The following SNX29 variants were observed in gnomAD, a reference collection of about 807,000 sequenced individuals.
SNX29 encodes sorting nexin-29.
SNX29 carries 78 observed loss-of-function variants against 102.1 expected under a neutral mutation model. That is an observed-to-expected ratio of 0.76 (90% CI 0.64 to 0.92). The LOEUF is 0.92. SNX29 is among the 40% of genes least tolerant of loss of function. The pLI is 0.00. For missense variants in SNX29, 1,280 were observed against 1,061.7 expected, an observed-to-expected ratio of 1.21 and a Z score of -2.86; for synonymous variants, 580 against 414.5, an observed-to-expected ratio of 1.40 and a Z score of -4.85.
chr16:12,364,811 G>T (rs1567482754), intron 16 of SNX29, among the ~76,000 whole-genome samples: 1 of 152,136 alleles, frequency 6.6e-6, no homozygotes, highest in Non-Finnish European at 1.5e-5. Flanking sequence ...GCCTGGCTTG[G>T]TAAGACTTGC....
intron 13 of SNX29, among the ~76,000 whole-genome samples, chr16:12,194,966 C>G (rs980526695): frequency 1.3e-5 from 2 of 152,054 alleles, no homozygotes; most frequent in African/African-American, 4.8e-5. Flanking sequence ...TTAAAAAGTG[C>G]TCTAGTAAAG....
chr16:12,554,785 C>T (rs2078221703), intron 20 of SNX29, among the ~76,000 whole-genome samples: 1 of 152,146 alleles, frequency 6.6e-6, no homozygotes, highest in Admixed American at 6.5e-5. Flanking sequence ...CCATAGAATG[C>T]AATTGTTTAT....
At chr16:12,035,388 T>A (rs1453309492) in intron 4 of SNX29, among the ~76,000 whole-genome samples, 11 of 152,114 alleles carry the variant, frequency 7.2e-5, no homozygotes, top group Non-Finnish European at 1.3e-4. Context: ...ATTTATTTCC[T>A]ACTCTTTAAT....
chr16:12,162,488 G>A (rs766313246), intron 13 of SNX29, among the ~76,000 whole-genome samples: 2 of 152,206 alleles, frequency 1.3e-5, no homozygotes, highest in Non-Finnish European at 2.9e-5. Context: ...GTCTGCTGTT[G>A]TAGCAAGAAA....
intron 18 of SNX29, among the ~76,000 whole-genome samples, chr16:12,441,962 T>C (rs2085827647): frequency 6.6e-6 from 1 of 152,156 alleles, no homozygotes; most frequent in Admixed American, 6.5e-5. Context: ...CTAATTTTTG[T>C]AGAGATGGGG....
intron 18 of SNX29, among the ~76,000 whole-genome samples, chr16:12,422,378 G>A (rs1300402119): frequency 1.3e-5 from 2 of 152,194 alleles, no homozygotes; most frequent in Non-Finnish European, 2.9e-5. Context: ...TTGTGTATCT[G>A]TTTCCCCTGG....
intron 18 of SNX29, among the ~76,000 whole-genome samples, chr16:12,425,097 C>T (rs1475469835): frequency 6.6e-6 from 1 of 152,164 alleles, no homozygotes; most frequent in Admixed American, 6.5e-5. Flanking sequence ...ACAAACAAAA[C>T]ACACCCAGGT....
At chr16:12,137,337 C>T (rs1052829000) in intron 13 of SNX29, among the ~76,000 whole-genome samples, 2 of 152,164 alleles carry the variant, frequency 1.3e-5, no homozygotes. Context: ...TTTCCTTGTC[C>T]AAGCCTCCCC....
At chr16:12,228,821 CTTGA>C (rs1358472418) in intron 14 of SNX29, among the ~76,000 whole-genome samples, 1 of 152,232 alleles carries the variant, frequency 6.6e-6, no homozygotes, top group East Asian at 1.9e-4. Flanking sequence ...GGCACAGAGA[CTTGA>C]TTTGCCTGAG....
chr16:12,438,031 C>T (rs1188778187), intron 18 of SNX29, among the ~76,000 whole-genome samples: 3 of 152,160 alleles, frequency 2.0e-5, no homozygotes, highest in Admixed American at 2.0e-4. Context: ...GAGCACACGT[C>T]CACTCTTGGC....
At chr16:12,458,248 T>C (rs1210666005) in intron 18 of SNX29, among the ~76,000 whole-genome samples, 3 of 152,144 alleles carry the variant, frequency 2.0e-5, no homozygotes, top group Admixed American at 2.0e-4. Flanking sequence ...TTGTAGCATA[T>C]CTGCCCCGAG....
At chr16:12,273,296 T>C (rs146769566) in intron 14 of SNX29, among the ~76,000 whole-genome samples, 2 of 152,250 alleles carry the variant, frequency 1.3e-5, no homozygotes, top group East Asian at 3.9e-4. Context: ...AACATACTGT[T>C]CAGCCTTTGA....
chr16:12,331,990 G>A (rs1332947671), intron 15 of SNX29, among the ~76,000 whole-genome samples: 1 of 152,104 alleles, frequency 6.6e-6, no homozygotes, highest in Non-Finnish European at 1.5e-5. Context: ...AACCTAGTAG[G>A]TGGAGCCTGC....
At chr16:12,166,092 A>T (rs2056009016) in intron 13 of SNX29, among the ~76,000 whole-genome samples, 1 of 152,254 alleles carries the variant, frequency 6.6e-6, no homozygotes, top group Admixed American at 6.5e-5. Context: ...AGTAGTAGTC[A>T]TTGCCGTTAT....
At chr16:12,559,156 G>A (rs568057126) in intron 20 of SNX29, among the ~76,000 whole-genome samples, 23 of 152,234 alleles carry the variant, frequency 1.5e-4, no homozygotes, top group African/African-American at 3.4e-4. Flanking sequence ...CCCTGGCCCA[G>A]TACCAGTCCA....
At chr16:12,112,774 C>T (rs117732715) in intron 11 of SNX29, among the ~76,000 whole-genome samples, 2,044 of 152,302 alleles carry the variant, frequency 0.013, 23 homozygotes, top group Non-Finnish European at 0.021. Flanking sequence ...CATCACTGGT[C>T]CTCAATAGCC....
At chr16:12,192,701 T>C (rs1007814014) in intron 13 of SNX29, among the ~76,000 whole-genome samples, 40 of 151,806 alleles carry the variant, frequency 2.6e-4, no homozygotes, top group Admixed American at 2.5e-3. Flanking sequence ...TTTTATTTCA[T>C]TTATTTATTT....
At chr16:12,109,030 A>G (rs1047174150) in intron 11 of SNX29, among the ~76,000 whole-genome samples, 6 of 148,618 alleles carry the variant, frequency 4.0e-5, no homozygotes, top group African/African-American at 1.5e-4. Context: ...TGGGAGGCTA[A>G]GGCAGGATAA....
At chr16:12,502,432 C>T (rs1202960046) in intron 19 of SNX29, among the ~76,000 whole-genome samples, 2 of 152,110 alleles carry the variant, frequency 1.3e-5, no homozygotes, top group Non-Finnish European at 2.9e-5. Context: ...TCACAGCCGC[C>T]GGTGGTGGTG....
Sources: allele counts gnomAD v4.1 joint callset (sites outside exome capture counted in the v4.1 genomes callset), GRCh38; gene constraint gnomAD v4.1.1; transcripts MANE v1.5; gene names NCBI Gene and HGNC (gene_info 2026-07-23, HGNC 2026-07-21).